POLK: variants seen among roughly 807,000 people sequenced by gnomAD.
POLK encodes the protein DNA polymerase kappa, also known as polymerase (DNA directed) kappa.
In POLK, 76 loss-of-function variants were observed where a neutral mutation model predicts 94.0. The ratio of observed to expected loss-of-function variants is 0.81; its 90% CI spans 0.67 to 0.98. The LOEUF (loss-of-function observed/expected upper bound fraction) is 0.98. Among genes scored for constraint, POLK ranks in the 50% least tolerant of loss-of-function variants. POLK has a pLI of 0.00. For synonymous variants in POLK, 349 were observed against 325.4 expected, an observed-to-expected ratio of 1.07 and a Z score of -0.78; for missense variants, 954 against 1,010.1, an observed-to-expected ratio of 0.94 and a Z score of 0.75.
chr5:75,601,836 T>C (rs1311677142), downstream of POLK, among the ~76,000 whole-genome samples: 1 of 152,098 alleles, frequency 6.6e-6, no homozygotes, highest in Non-Finnish European at 1.5e-5. Flanking sequence ...CACCTTGTGA[T>C]TGTGTGAGTC....
Position 75,579,759 on chromosome 5 carries a change from C to A in POLK, c.695-1450C>A, listed in dbSNP as rs115614845. 6.0e-3 allele frequency among the ~76,000 whole-genome samples: 914 copies of A among 151,898 alleles called. 13 individuals are homozygous for A. The highest frequency in any genetic ancestry group is 0.021 in the African/African-American group (873 of 41,462). On this transcript the variant is annotated intron_variant, in intron 6 of 14. Transcript: ENST00000241436. ...AGCTAATGTAAGTTTGAAAATAAGG[C>A]TTATTGGCGAGGCAAGGTGGTTCAC...
intron 10 of POLK, among the ~76,000 whole-genome samples, chr5:75,588,052 G>A (rs1772564429): frequency 6.6e-6 from 1 of 151,948 alleles, no homozygotes; most frequent in Admixed American, 6.6e-5. Flanking sequence ...GATAAAAATT[G>A]CTATTTTAGG....
intron 11 of POLK, among the ~76,000 whole-genome samples, chr5:75,590,845 T>C (rs1028010292): frequency 6.6e-6 from 1 of 152,218 alleles, no homozygotes; most frequent in Non-Finnish European, 1.5e-5. Flanking sequence ...ACTTAGACAA[T>C]GACCTTCTAA....
chr5:75,594,293 G>A (rs768023733), intron 12 of POLK, among the ~76,000 whole-genome samples: 3 of 152,128 alleles, frequency 2.0e-5, no homozygotes, highest in Admixed American at 1.3e-4. Flanking sequence ...AATTTACAGC[G>A]GGTTTATCTG....
At chr5:75,515,675 A>G (rs1025205752) in intron 1 of POLK, among the ~76,000 whole-genome samples, 1 of 152,002 alleles carries the variant, frequency 6.6e-6, no homozygotes, top group Non-Finnish European at 1.5e-5. Flanking sequence ...TTTCTGAGGA[A>G]CCTCCATACT....
At chr5:75,574,346 A>C (rs1042505807) in intron 5 of POLK, among the ~76,000 whole-genome samples, 10 of 152,276 alleles carry the variant, frequency 6.6e-5, no homozygotes, top group Admixed American at 6.6e-5. Context: ...TTTGCTGTCT[A>C]AGAGACTGAT....
chr5:75,570,192 T>C (rs1771517650), intron 4 of POLK, among the ~76,000 whole-genome samples: 3 of 152,208 alleles, frequency 2.0e-5, no homozygotes, highest in Admixed American at 2.0e-4. Flanking sequence ...GTACTAGTTT[T>C]TATTTCCATT....
At chr5:75,541,488 C>T (rs1250755733) in intron 1 of POLK, among the ~76,000 whole-genome samples, 3 of 151,858 alleles carry the variant, frequency 2.0e-5, no homozygotes, top group African/African-American at 7.3e-5. Flanking sequence ...TTTAAATTTC[C>T]CTCTGTCCCA....
At chr5:75,554,124 C>T (rs1037028404) in intron 3 of POLK, among the ~76,000 whole-genome samples, 1 of 152,174 alleles carries the variant, frequency 6.6e-6, no homozygotes, top group Non-Finnish European at 1.5e-5. Flanking sequence ...CTTCAGCTGA[C>T]ATTCTTTGGC....
exon 11 of POLK, chr5:75,590,402 A>C (rs1258891284): frequency 6.2e-7 from 1 of 1,610,560 alleles, no homozygotes; most frequent in Admixed American, 1.7e-5. Flanking sequence ...AGAACTTTGC[A>C]GTGAGCTTGC....
rs189417098 is a variant in POLK, at chr5:75,541,361, A to G, written c.-13-5649A>G. On this transcript the variant is annotated intron_variant, in intron 1 of 14. Transcript: ENST00000241436. ...TTGGGGAATTGACCTTTGAATTGAC[A>G]CTGTAGGTAATATGTTTATATCAGA... 4.6e-5 allele frequency among the ~76,000 whole-genome samples: 7 copies of G among 152,262 alleles called. No individual in the cohort carries two copies. The East Asian group carries it at 9.6e-4, about 21-fold the overall frequency.
At chr5:75,523,008 A>G (rs1174737022) in intron 1 of POLK, among the ~76,000 whole-genome samples, 1 of 152,198 alleles carries the variant, frequency 6.6e-6, no homozygotes, top group Non-Finnish European at 1.5e-5. Flanking sequence ...ACGTTCTTCA[A>G]TTTTATTTTA....
upstream of POLK, chr5:75,511,594 G>A (rs1768009812): frequency 2.7e-5 from 40 of 1,465,686 alleles, no homozygotes; most frequent in South Asian, 5.5e-5. Flanking sequence ...TCACACCTCC[G>A]CTACCGCCGC....
At chr5:75,555,401 G>A (rs529309337) in intron 3 of POLK, among the ~76,000 whole-genome samples, 159 of 152,214 alleles carry the variant, frequency 1.0e-3, no homozygotes, top group South Asian at 1.9e-3. Context: ...GAATCATACA[G>A]GATGTAGCCT....
intron 7 of POLK, chr5:75,581,667 T>C (rs1581074511): frequency 4.2e-6 from 2 of 478,132 alleles, no homozygotes; most frequent in East Asian, 3.8e-5. Context: ...AAAAAGATTA[T>C]ACGTTTCTTT....
At chr5:75,585,029 T>C (rs1772394648) in intron 9 of POLK, 103 bp downstream of exon 9, 1 of 743,976 alleles carries the variant, frequency 1.3e-6, no homozygotes, top group Non-Finnish European at 2.3e-6. Context: ...TTAAAATTCT[T>C]TCAGGCTAGT....
At chr5:75,529,665 G>T (rs570389525) in intron 1 of POLK, among the ~76,000 whole-genome samples, 1 of 152,172 alleles carries the variant, frequency 6.6e-6, no homozygotes, top group South Asian at 2.1e-4. Flanking sequence ...TATATAGAGT[G>T]TGTTGAATAC....
intron 1 of POLK, among the ~76,000 whole-genome samples, chr5:75,527,502 T>TATATACAC (rs555220325): frequency 0.046 from 6,145 of 132,864 alleles, 187 homozygotes; most frequent in South Asian, 0.089. Context: ...AATTTATATA[T>TATATACAC]ACACACACAC....
intron 2 of POLK, among the ~76,000 whole-genome samples, chr5:75,548,545 A>G (rs1260401383): frequency 6.7e-6 from 1 of 149,930 alleles, no homozygotes; most frequent in Non-Finnish European, 1.5e-5. Context: ...ATGATATATA[A>G]TGTATATTAG....
Sources: allele counts gnomAD v4.1 joint callset (sites outside exome capture counted in the v4.1 genomes callset), GRCh38; gene constraint gnomAD v4.1.1; transcripts MANE v1.5; gene names NCBI Gene and HGNC (gene_info 2026-07-23, HGNC 2026-07-21).